FBN1: variants seen among roughly 807,000 people sequenced by gnomAD.
FBN1 encodes fibrillin 1.
In FBN1, 29 loss-of-function variants were observed where a neutral mutation model predicts 365.1. That is an observed-to-expected ratio of 0.08 (90% CI 0.06 to 0.11). The LOEUF is 0.11. Ranked by LOEUF, FBN1 falls within the 10% of genes least tolerant of loss-of-function variation. FBN1 has a pLI of 1.00. For synonymous variants in FBN1, 1,210 were observed against 1,270.5 expected (o/e 0.95, Z 1.01); for missense variants, 2,476 against 3,703.2 (o/e 0.67, Z 8.60).
chr15:48,523,896 TCTCA>T (rs1279738480), intron 9 of FBN1, among the ~76,000 whole-genome samples: 1 of 152,182 alleles, frequency 6.6e-6, no homozygotes, highest in Admixed American at 6.5e-5. Context: ...GAGGAGGAAA[TCTCA>T]CTCTTTTCTC....
intron 29 of FBN1, among the ~76,000 whole-genome samples, chr15:48,485,970 T>C (rs140158865): frequency 6.6e-6 from 1 of 152,330 alleles, no homozygotes; most frequent in African/African-American, 2.4e-5. Context: ...GAGTCACTGA[T>C]TCCTTCAACA....
chr15:48,558,003 G>A (rs1339368964), intron 6 of FBN1, among the ~76,000 whole-genome samples: 1 of 152,134 alleles, frequency 6.6e-6, no homozygotes, highest in African/African-American at 2.4e-5. Flanking sequence ...CCATTCACAT[G>A]TGGTTTCCTA....
chr15:48,443,956 C>T (rs2043135249), intron 49 of FBN1, among the ~76,000 whole-genome samples: 1 of 152,108 alleles, frequency 6.6e-6, no homozygotes, highest in Non-Finnish European at 1.5e-5. Flanking sequence ...CACTTGAGCC[C>T]AGGAGTTCAA....
intron 17 of FBN1, among the ~76,000 whole-genome samples, chr15:48,503,068 G>C (rs536910196): frequency 6.6e-6 from 1 of 152,106 alleles, no homozygotes; most frequent in Admixed American, 6.5e-5. Context: ...GGGAGGCCGA[G>C]GCAGGTGGAT....
chr15:48,554,861 T>C (rs906250914), intron 6 of FBN1, among the ~76,000 whole-genome samples: 1 of 152,364 alleles, frequency 6.6e-6, no homozygotes, highest in East Asian at 1.9e-4. Context: ...ATAGGGATGA[T>C]AATAGGGTGT....
intron 54 of FBN1, among the ~76,000 whole-genome samples, chr15:48,434,363 CTG>C (rs1349961600): frequency 6.6e-6 from 1 of 152,118 alleles, no homozygotes; most frequent in African/African-American, 2.4e-5. Context: ...TGAGAACTCT[CTG>C]TGATATACAG....
chr15:48,417,095 C>T (rs73390290), intron 63 of FBN1, among the ~76,000 whole-genome samples: 3,745 of 152,292 alleles, frequency 0.025, 81 homozygotes, highest in East Asian at 0.082. Flanking sequence ...ACTGCAAAGG[C>T]CATCCATGCG....
intron 44 of FBN1, 50 bp from the exon 45 acceptor site, chr15:48,452,734 A>T: frequency 6.2e-7 from 1 of 1,606,438 alleles, no homozygotes; most frequent in Non-Finnish European, 8.5e-7. Flanking sequence ...TCTGGTGTCC[A>T]GTCAACAAAG....
chr15:48,477,362 G>A lies in FBN1; in HGVS notation c.3965-2712C>T, dbSNP rs191793584. ...TGTATCATGGGCTTTTGGGTAATAG[G>A]AGAGAGTAACTCAGGAGCCAATATT... On this transcript the variant is annotated intron_variant, in intron 32 of 65. Coordinates refer to ENST00000316623, the MANE Select transcript of FBN1 (RefSeq NM_000138.5). 1.0e-3 allele frequency among the ~76,000 whole-genome samples: 158 copies of A among 152,268 alleles called. 1 individual carries two copies. The highest frequency in any genetic ancestry group is 3.3e-3 in the African/African-American group (139 of 41,550).
At chr15:48,635,531 T>C (rs1314686460) in intron 2 of FBN1, among the ~76,000 whole-genome samples, 2 of 152,106 alleles carry the variant, frequency 1.3e-5, no homozygotes, top group Non-Finnish European at 2.9e-5. Context: ...AACCCCTAAT[T>C]TAAAAAATTG....
intron 2 of FBN1, among the ~76,000 whole-genome samples, chr15:48,626,786 A>C (rs1291997289): frequency 6.6e-6 from 1 of 152,144 alleles, no homozygotes; most frequent in East Asian, 1.9e-4. Context: ...GAAAACTTTT[A>C]ATAAAAATAG....
At chr15:48,419,367 T>C (rs1215421392) in intron 63 of FBN1, among the ~76,000 whole-genome samples, 2 of 152,142 alleles carry the variant, frequency 1.3e-5, no homozygotes, top group East Asian at 1.9e-4. Flanking sequence ...TCCTCTCTTA[T>C]GTTTTTTTCA....
intron 25 of FBN1, among the ~76,000 whole-genome samples, chr15:48,489,200 ATTTTT>A (rs756179079): frequency 2.1e-5 from 1 of 48,418 alleles, no homozygotes; most frequent in South Asian, 1.2e-3. Context: ...ATGCCTAGAT[ATTTTT>A]TTTTTTTTTT....
intron 6 of FBN1, among the ~76,000 whole-genome samples, chr15:48,589,134 T>G (rs2044457333): frequency 6.6e-6 from 1 of 152,028 alleles, no homozygotes; most frequent in Admixed American, 6.5e-5. Flanking sequence ...CAAAGAGAAC[T>G]CAAGAGGCTG....
chr15:48,512,857 G>A (rs2043772013), intron 13 of FBN1, among the ~76,000 whole-genome samples: 1 of 152,028 alleles, frequency 6.6e-6, no homozygotes, highest in Admixed American at 6.6e-5. Flanking sequence ...TGGGCTCCCT[G>A]ACAGTGATCA....
chr15:48,596,524 C>A (rs2044517358), intron 5 of FBN1, 146 bp from the exon 6 acceptor site: 2 of 741,258 alleles, frequency 2.7e-6, no homozygotes, highest in Non-Finnish European at 4.7e-6. Flanking sequence ...GTTACACATA[C>A]TCAGATATTC....
At chr15:48,609,354 G>A (rs780691156) in intron 4 of FBN1, among the ~76,000 whole-genome samples, 16 of 152,196 alleles carry the variant, frequency 1.1e-4, no homozygotes, top group Non-Finnish European at 2.1e-4. Context: ...AGTAAAAGGT[G>A]GCTGTTACTG....
intron 27 of FBN1, 48 bp from the exon 28 acceptor site, chr15:48,487,485 C>T (rs1338809017): frequency 6.2e-7 from 1 of 1,608,532 alleles, no homozygotes; most frequent in African/African-American, 1.3e-5. Flanking sequence ...TCATCTCCTC[C>T]ACCAGACCAA....
At chr15:48,430,156 A>G (rs745431620) in intron 56 of FBN1, among the ~76,000 whole-genome samples, 28 of 152,228 alleles carry the variant, frequency 1.8e-4, no homozygotes, top group African/African-American at 7.2e-5. Context: ...CTCCTGGTCT[A>G]AGGCTGAAGT....
Sources: allele counts gnomAD v4.1 joint callset (sites outside exome capture counted in the v4.1 genomes callset), GRCh38; gene constraint gnomAD v4.1.1; transcripts MANE v1.5; gene names NCBI Gene and HGNC (gene_info 2026-07-23, HGNC 2026-07-21).